CTNNA3: variants seen among roughly 807,000 people sequenced by gnomAD.
The protein encoded by CTNNA3 is catenin alpha 3, also known as catenin alpha-3.
A neutral mutation model predicts 95.7 loss-of-function variants in CTNNA3; 76 were observed. That is an observed-to-expected ratio of 0.79 (90% CI 0.66 to 0.96). The LOEUF is 0.96. CTNNA3 is among the 40% of genes least tolerant of loss of function. The probability of loss-of-function intolerance (pLI) is 0.00; values close to 1 mark genes in which losing one functional copy is unlikely to be tolerated. For missense variants in CTNNA3, 1,191 were observed against 1,089.8 expected (o/e 1.09, Z -1.31); for synonymous variants, 431 against 374.4 (o/e 1.15, Z -1.74).
At chr10:66,195,714 T>C (rs1435910426) in intron 13 of CTNNA3, among the ~76,000 whole-genome samples, 6 of 148,054 alleles carry the variant, frequency 4.1e-5, no homozygotes, top group Non-Finnish European at 9.1e-5. Flanking sequence ...CTGCTTAAGG[T>C]AGAATGAGAT....
intron 11 of CTNNA3, among the ~76,000 whole-genome samples, chr10:66,444,130 A>T (rs1032158332): frequency 1.3e-5 from 2 of 152,218 alleles, no homozygotes; most frequent in African/African-American, 4.8e-5. Context: ...GAGAAAAAAG[A>T]ATAAGAAGAA....
chr10:67,457,468 T>C (rs1329416096), intron 5 of CTNNA3, among the ~76,000 whole-genome samples: 2 of 152,206 alleles, frequency 1.3e-5, no homozygotes, highest in Non-Finnish European at 2.9e-5. Flanking sequence ...AGAATCTTTC[T>C]TAACTGCTCT....
intron 12 of CTNNA3, among the ~76,000 whole-genome samples, chr10:66,333,670 A>T (rs201230932): frequency 6.6e-6 from 1 of 151,776 alleles, no homozygotes; most frequent in Non-Finnish European, 1.5e-5. Flanking sequence ...ATTTTGGAAT[A>T]GGTGTGGTGT....
At chr10:67,361,594 T>C (rs566034752) in intron 5 of CTNNA3, among the ~76,000 whole-genome samples, 1 of 152,170 alleles carries the variant, frequency 6.6e-6, no homozygotes, top group Non-Finnish European at 1.5e-5. Flanking sequence ...AGATACAACA[T>C]ACCAAAATCT....
At chr10:66,003,224 G>A (rs1416420016) in intron 15 of CTNNA3, among the ~76,000 whole-genome samples, 1 of 152,104 alleles carries the variant, frequency 6.6e-6, no homozygotes, top group Non-Finnish European at 1.5e-5. Context: ...ATTTGCTTAT[G>A]AAACAAGGAT....
intron 13 of CTNNA3, among the ~76,000 whole-genome samples, chr10:66,210,207 A>G (rs2088048468): frequency 6.6e-6 from 1 of 151,866 alleles, no homozygotes. Context: ...ACTGTATCAT[A>G]TATGGGAAGA....
At chr10:66,326,970 T>C (rs2092261599) in intron 12 of CTNNA3, among the ~76,000 whole-genome samples, 1 of 152,100 alleles carries the variant, frequency 6.6e-6, no homozygotes, top group African/African-American at 2.4e-5. Context: ...TGCAAATACA[T>C]AGAAAAGTTT....
At chr10:66,141,690 G>A (rs922813719) in intron 13 of CTNNA3, among the ~76,000 whole-genome samples, 4 of 151,990 alleles carry the variant, frequency 2.6e-5, no homozygotes, top group South Asian at 2.1e-4. Context: ...TTATATAAAC[G>A]ATAAATAATT....
rs958979047 is a variant in CTNNA3, at chr10:67,558,972, C to T, written c.293-19303G>A. ...CATTGCCCAGGCTTGCTTAGGTAAA[C>T]AAAGCAGCCGGGAAGCTCGAACTGG... On this transcript the variant is annotated intron_variant, in intron 3 of 17. Coordinates refer to ENST00000433211, the MANE Select transcript of CTNNA3 (RefSeq NM_013266.4). Among the ~76,000 whole-genome samples the T allele has an allele frequency of 2.0e-5, 3 of 152,212 alleles. No homozygotes were observed. In the East Asian group the frequency reaches 5.8e-4, roughly 29 times the overall value.
intron 14 of CTNNA3, among the ~76,000 whole-genome samples, chr10:66,101,785 T>C (rs2081642569): frequency 6.6e-6 from 1 of 152,190 alleles, no homozygotes; most frequent in Admixed American, 6.5e-5. Context: ...AGAAACAGAA[T>C]GTGACTCTCT....
chr10:66,105,264 T>C (rs542707203), intron 13 of CTNNA3, among the ~76,000 whole-genome samples: 6 of 152,362 alleles, frequency 3.9e-5, no homozygotes, highest in African/African-American at 1.4e-4. Flanking sequence ...GTAATTTCTA[T>C]ACAATCATAT....
intron 12 of CTNNA3, among the ~76,000 whole-genome samples, chr10:66,303,406 C>T (rs2091890655): frequency 6.6e-6 from 1 of 152,142 alleles, no homozygotes; most frequent in Admixed American, 6.5e-5. Context: ...TAGAGACAGA[C>T]ATATAGTCTA....
chr10:66,963,112 T>G (rs1490571582), intron 7 of CTNNA3, among the ~76,000 whole-genome samples: 1 of 152,174 alleles, frequency 6.6e-6, no homozygotes, highest in Non-Finnish European at 1.5e-5. Flanking sequence ...CAAAATTATT[T>G]TAAATGTGAT....
At chr10:67,315,351 A>T (rs1381704898) in intron 5 of CTNNA3, among the ~76,000 whole-genome samples, 1 of 152,178 alleles carries the variant, frequency 6.6e-6, no homozygotes, top group Admixed American at 6.5e-5. Flanking sequence ...CTTAGCAGAT[A>T]TTTACCTCCA....
chr10:66,098,392 A>G (rs1014077464), intron 14 of CTNNA3, among the ~76,000 whole-genome samples: 14 of 152,128 alleles, frequency 9.2e-5, no homozygotes, highest in Non-Finnish European at 1.6e-4. Flanking sequence ...TTTTTGTTTC[A>G]TTTCCTAATT....
At chr10:67,311,809 G>A (rs1448112563) in intron 5 of CTNNA3, among the ~76,000 whole-genome samples, 7 of 152,112 alleles carry the variant, frequency 4.6e-5, no homozygotes, top group Non-Finnish European at 8.8e-5. Flanking sequence ...TTCTAGAAGA[G>A]TAAATTTTAT....
intron 10 of CTNNA3, among the ~76,000 whole-genome samples, chr10:66,543,417 T>G (rs999582524): frequency 7.2e-5 from 11 of 152,088 alleles, no homozygotes; most frequent in African/African-American, 2.7e-4. Flanking sequence ...TAAAATGCTA[T>G]GCAGCCATGA....
chr10:67,096,161 C>A (rs984830623), intron 7 of CTNNA3, among the ~76,000 whole-genome samples: 1 of 151,676 alleles, frequency 6.6e-6, no homozygotes, highest in African/African-American at 2.4e-5. Context: ...CCGAAATATT[C>A]ATATTATAAG....
intron 1 of CTNNA3, among the ~76,000 whole-genome samples, chr10:67,752,984 A>G (rs1841415252): frequency 6.6e-6 from 1 of 152,184 alleles, no homozygotes; most frequent in Non-Finnish European, 1.5e-5. Flanking sequence ...TAAAATTCTT[A>G]TGGAACCAAA....
Sources: allele counts gnomAD v4.1 joint callset (sites outside exome capture counted in the v4.1 genomes callset), GRCh38; gene constraint gnomAD v4.1.1; transcripts MANE v1.5; gene names NCBI Gene and HGNC (gene_info 2026-07-23, HGNC 2026-07-21).